The following CAMK2B variants were observed in gnomAD, a reference collection of about 807,000 sequenced individuals.
The protein encoded by CAMK2B is calcium/calmodulin dependent protein kinase II beta.
CAMK2B carries 27 observed loss-of-function variants against 93.7 expected under a neutral mutation model. The ratio of observed to expected loss-of-function variants is 0.29; its 90% CI spans 0.21 to 0.40. The LOEUF (loss-of-function observed/expected upper bound fraction) is 0.40, where lower values mean the gene tolerates loss of function less well. Ranked by LOEUF, CAMK2B falls within the 10% of genes least tolerant of loss-of-function variation. CAMK2B has a pLI of 1.00. For missense variants in CAMK2B, 568 were observed against 895.8 expected (o/e 0.63, Z 4.67); for synonymous variants, 374 against 358.8 (o/e 1.04, Z -0.48).
chr7:44,298,882 G>T (rs1789087995), intron 1 of CAMK2B, among the ~76,000 whole-genome samples: 1 of 152,044 alleles, frequency 6.6e-6, no homozygotes, highest in Admixed American at 6.6e-5. Flanking sequence ...ATTGAAAAAA[G>T]CCTGAAAATA....
At chr7:44,274,752 G>C (rs1269691218) in intron 2 of CAMK2B, among the ~76,000 whole-genome samples, 1 of 152,242 alleles carries the variant, frequency 6.6e-6, no homozygotes, top group Admixed American at 6.5e-5. Context: ...GCGGTGAGCA[G>C]GAAGGACCAG....
At chr7:44,243,640 G>A (rs898307072) in intron 6 of CAMK2B, 113 bp from the exon 7 acceptor site, 1 of 782,660 alleles carries the variant, frequency 1.3e-6, no homozygotes, top group Non-Finnish European at 2.1e-6. Flanking sequence ...AGAGACAGGT[G>A]CACAGGTCTG....
At chr7:44,241,168 C>G (rs1436703015) in intron 11 of CAMK2B, among the ~76,000 whole-genome samples, 1 of 152,136 alleles carries the variant, frequency 6.6e-6, no homozygotes, top group African/African-American at 2.4e-5. Context: ...AGTCAGGCAA[C>G]AAGTCCCCAT....
chr7:44,308,829 G>A (rs4419715), intron 1 of CAMK2B, among the ~76,000 whole-genome samples: 2,031 of 152,258 alleles, frequency 0.013, 53 homozygotes, highest in African/African-American at 0.046. Context: ...CGAGCCCCTC[G>A]TCTCTCCTCA....
intron 1 of CAMK2B, among the ~76,000 whole-genome samples, chr7:44,295,911 C>T (rs1427818545): frequency 6.6e-6 from 1 of 152,164 alleles, no homozygotes; most frequent in Non-Finnish European, 1.5e-5. Flanking sequence ...AAGGTCACAG[C>T]ACAGGGGCAG....
At chr7:44,295,323 C>A (rs973245900) in intron 1 of CAMK2B, among the ~76,000 whole-genome samples, 23 of 152,230 alleles carry the variant, frequency 1.5e-4, no homozygotes, top group African/African-American at 5.5e-4. Flanking sequence ...AACTGAAAAT[C>A]AACAACTCTT....
chr7:44,260,347 G>A (rs112095056), intron 3 of CAMK2B, among the ~76,000 whole-genome samples: 4,708 of 152,174 alleles, frequency 0.031, 215 homozygotes, highest in African/African-American at 0.11. Context: ...TGGGGCCTAG[G>A]CCTCACCTTG....
At chr7:44,242,411 G>A (rs2096688854) in intron 9 of CAMK2B, 71 bp from the exon 10 acceptor site, 4 of 1,573,518 alleles carry the variant, frequency 2.5e-6, no homozygotes, top group Admixed American at 1.8e-5. Flanking sequence ...TTCTCCAAGG[G>A]GCTTCATCTC....
chr7:44,242,219 C>T lies in CAMK2B; in HGVS notation c.818G>A (p.Cys273Tyr). The change falls in exon 10 of 24, where the codon TGC (cysteine) becomes TAC (tyrosine). Residue 273 changes from cysteine to tyrosine, a missense_variant and splice_region_variant. Cys to Tyr is a radical substitution (Grantham distance 194, BLOSUM62 -2). Around this residue, in one of 4 missense-constraint regions of CAMK2B, gnomAD observed 105 missense variants for 372.4 expected, o/e 0.28. Coordinates refer to ENST00000395749, the MANE Select transcript of CAMK2B (RefSeq NM_001220.5). ...AHEALKHPWV[C>Y]QRSTVASMMH... ...CCATGGGCACCAAGGGCGACTCACG[C>T]AGACCCACGGGTGCTTCAGGGCCTC... 1 of 1,612,696 alleles carries T rather than the reference C, an allele frequency of 6.2e-7. No homozygotes were observed.
chr7:44,307,876 T>A (rs1339004182), intron 1 of CAMK2B, among the ~76,000 whole-genome samples: 1 of 152,164 alleles, frequency 6.6e-6, no homozygotes, highest in African/African-American at 2.4e-5. Context: ...TTTGGCCATT[T>A]TTTTTTAACT....
At chr7:44,230,376 T>C (rs2096567541) in intron 17 of CAMK2B, 1 of 152,966 alleles carries the variant, frequency 6.5e-6, no homozygotes, top group Non-Finnish European at 1.5e-5. Flanking sequence ...ATAAGGCTTA[T>C]TAGGTGACCG....
intron 17 of CAMK2B, chr7:44,229,842 G>A (rs544024014): frequency 2.6e-5 from 6 of 233,212 alleles, no homozygotes; most frequent in Non-Finnish European, 5.0e-5. Flanking sequence ...GAGGCCAGGC[G>A]CACGGAGAGG....
intron 4 of CAMK2B, among the ~76,000 whole-genome samples, chr7:44,258,353 T>C (rs922011328): frequency 1.3e-5 from 2 of 152,194 alleles, no homozygotes; most frequent in Non-Finnish European, 2.9e-5. Context: ...CATGCACATG[T>C]ATGCACATCC....
intron 4 of CAMK2B, among the ~76,000 whole-genome samples, chr7:44,254,920 T>C (rs1357296931): frequency 6.6e-6 from 1 of 151,150 alleles, no homozygotes; most frequent in Non-Finnish European, 1.5e-5. Flanking sequence ...ATACTCCATT[T>C]TTATGGATGA....
At chr7:44,265,816 C>T (rs1356273860) in intron 2 of CAMK2B, among the ~76,000 whole-genome samples, 1 of 152,198 alleles carries the variant, frequency 6.6e-6, no homozygotes, top group East Asian at 1.9e-4. Context: ...GTAACACCCA[C>T]AACAGCACCT....
intron 2 of CAMK2B, among the ~76,000 whole-genome samples, chr7:44,279,133 G>A (rs1186149007): frequency 6.6e-6 from 1 of 152,204 alleles, no homozygotes; most frequent in Non-Finnish European, 1.5e-5. Flanking sequence ...GAATGATAAA[G>A]CTCCTGTGGC....
intron 1 of CAMK2B, among the ~76,000 whole-genome samples, chr7:44,303,724 T>C (rs1220794133): frequency 6.6e-6 from 1 of 152,180 alleles, no homozygotes; most frequent in Non-Finnish European, 1.5e-5. Flanking sequence ...AAAAGCACAA[T>C]TCATGAAAGA....
At chr7:44,292,194 A>T (rs1217659598) in intron 1 of CAMK2B, among the ~76,000 whole-genome samples, 4 of 152,002 alleles carry the variant, frequency 2.6e-5, no homozygotes, top group African/African-American at 9.6e-5. Context: ...GCATCACCCC[A>T]ATCTCTGCCT....
chr7:44,222,607 T>G (rs2096423134), intron 20 of CAMK2B, among the ~76,000 whole-genome samples: 1 of 152,042 alleles, frequency 6.6e-6, no homozygotes, highest in Admixed American at 6.5e-5. Context: ...AGCTAATTTT[T>G]GTGTGTGTAT....
Sources: gnomAD v4.1 joint callset for allele counts (sites outside exome capture counted in the v4.1 genomes callset) on GRCh38, gnomAD v4.1.1 for gene constraint, gnomAD v4.1.1 regional missense constraint, MANE v1.5 for transcripts, NCBI Gene and HGNC (gene_info 2026-07-23, HGNC 2026-07-21) for gene names.